ZZEF1: variants seen among roughly 807,000 people sequenced by gnomAD.
ZZEF1 encodes zinc finger ZZ-type and EF-hand domain-containing protein 1.
A neutral mutation model predicts 342.8 loss-of-function variants in ZZEF1; 157 were observed. That is an observed-to-expected ratio of 0.46 (90% confidence interval 0.40 to 0.52). The LOEUF (loss-of-function observed/expected upper bound fraction) is 0.52. ZZEF1 is among the 20% of genes least tolerant of loss of function. ZZEF1 has a pLI of 0.00. For missense variants in ZZEF1, 3,480 were observed against 3,725.6 expected, an observed-to-expected ratio of 0.93 and a Z score of 1.72; for synonymous variants, 1,505 against 1,429.1, an observed-to-expected ratio of 1.05 and a Z score of -1.20.
At chr17:4,113,696 G>C (rs1437937097) in intron 4 of ZZEF1, among the ~76,000 whole-genome samples, 1 of 150,958 alleles carries the variant, frequency 6.6e-6, no homozygotes, top group Admixed American at 6.6e-5. Flanking sequence ...GAAAGGGACC[G>C]GGTGCAGTGG....
intron 39 of ZZEF1, among the ~76,000 whole-genome samples, chr17:4,037,609 A>T (rs2056702184): frequency 6.6e-6 from 1 of 152,180 alleles, no homozygotes; most frequent in Non-Finnish European, 1.5e-5. Context: ...TAAGAGACAG[A>T]GTCTTACCCT....
At chr17:4,080,844 T>C (rs1334196787) in intron 18 of ZZEF1, among the ~76,000 whole-genome samples, 1 of 152,190 alleles carries the variant, frequency 6.6e-6, no homozygotes, top group Non-Finnish European at 1.5e-5. Context: ...ACTTCTGTGT[T>C]TTTATCGTTT....
chr17:4,007,041 C>T (rs1318660791), intron 54 of ZZEF1, 71 bp from the exon 55 acceptor site: 1 of 1,374,290 alleles, frequency 7.3e-7, no homozygotes, highest in African/African-American at 1.4e-5. Context: ...TGATAAGACC[C>T]TCAGCTGAGC....
chr17:4,119,216 C>T (rs2058445419), intron 2 of ZZEF1, among the ~76,000 whole-genome samples: 1 of 152,232 alleles, frequency 6.6e-6, no homozygotes, highest in African/African-American at 2.4e-5. Flanking sequence ...GGAGTCACCA[C>T]TTGGTTAAGC....
At chr17:4,113,060 C>T (rs2058340187) in intron 4 of ZZEF1, among the ~76,000 whole-genome samples, 1 of 152,150 alleles carries the variant, frequency 6.6e-6, no homozygotes, top group African/African-American at 2.4e-5. Flanking sequence ...AAAGAACGAA[C>T]AGTATGAACA....
chr17:4,066,072 C>T (rs542545307), intron 28 of ZZEF1, among the ~76,000 whole-genome samples: 10 of 152,160 alleles, frequency 6.6e-5, no homozygotes, highest in African/African-American at 2.4e-4. Flanking sequence ...TAGGCTAAGG[C>T]GGGAAGATTG....
At chr17:4,044,417 A>C (rs759549643) in intron 37 of ZZEF1, 43 bp from the exon 38 acceptor site, 1 of 1,563,516 alleles carries the variant, frequency 6.4e-7, no homozygotes, top group Admixed American at 1.9e-5. Context: ...TTCTTATAAC[A>C]AAGTTTGCTC....
At chr17:4,024,033 T>A (rs2056338290) in intron 43 of ZZEF1, among the ~76,000 whole-genome samples, 1 of 152,002 alleles carries the variant, frequency 6.6e-6, no homozygotes, top group Non-Finnish European at 1.5e-5. Flanking sequence ...TCAACTGAGC[T>A]CCTCCTTTCA....
At chr17:4,101,301 G>C (rs2058122820) in intron 9 of ZZEF1, among the ~76,000 whole-genome samples, 1 of 152,066 alleles carries the variant, frequency 6.6e-6, no homozygotes, top group African/African-American at 2.4e-5. Flanking sequence ...ACTCATTGCT[G>C]AGAGGAAAGC....
Position 4,050,706 on chromosome 17 carries a change from T to C in ZZEF1, c.5863+75A>G. ...GTTGCCACCTGTAAACTAAGCTTAG[T>C]ATTTTACATTTGCCAAGGCTTTTTT... is the stretch of plus-strand genomic sequence containing the variant. On this transcript the variant is annotated intron_variant, in intron 36 of 54. Coordinates refer to ENST00000381638, the MANE Select transcript of ZZEF1 (RefSeq NM_015113.4). The C allele has an allele frequency of 3.8e-6, 6 of 1,594,050 alleles. No individual in the cohort carries two copies. The South Asian group carries it at 6.7e-5, about 18-fold the overall frequency.
At chr17:4,085,070 C>G (rs2057794492) in intron 16 of ZZEF1, among the ~76,000 whole-genome samples, 1 of 152,090 alleles carries the variant, frequency 6.6e-6, no homozygotes, top group Non-Finnish European at 1.5e-5. Context: ...TGTGATTGCA[C>G]CACTGCACTC....
At chr17:4,069,825 C>T (rs887070673) in intron 26 of ZZEF1, among the ~76,000 whole-genome samples, 3 of 151,744 alleles carry the variant, frequency 2.0e-5, no homozygotes, top group Non-Finnish European at 4.4e-5. Flanking sequence ...AGTGAGACTC[C>T]GTCTCAAAAA....
intron 39 of ZZEF1, among the ~76,000 whole-genome samples, chr17:4,040,873 GGCTAAGA>G (rs1421435162): frequency 6.6e-6 from 1 of 152,136 alleles, no homozygotes; most frequent in Non-Finnish European, 1.5e-5. Context: ...AACATAAAAA[GGCTAAGA>G]GCCAATTGCA....
chr17:4,081,418 G>T lies in ZZEF1; in HGVS notation c.2787C>A (p.Val929=). 6.2e-7 allele frequency: 1 copy of T among 1,613,966 alleles called. No individual in the cohort carries two copies. The highest frequency in any genetic ancestry group is 8.5e-7 in the Non-Finnish European group (1 of 1,180,012). ...AGACGAGAGTGTCCATGACCGCCAGGACTTCACTGATGTTCATCTTGGCCA... is the reference window on the plus strand; with the variant it reads ...AGACGAGAGTGTCCATGACCGCCAGTACTTCACTGATGTTCATCTTGGCCA... The part of the protein sequence containing the change: ...NDLAKMNISE[V]LAVMDTLVSV... The change falls in exon 18 of 55, where the codon GTC becomes GTA. Residue 929 remains valine, a synonymous_variant. Transcript: ENST00000381638.
chr17:4,021,404 C>T, intron 44 of ZZEF1, 84 bp from the exon 45 acceptor site: 1 of 1,131,920 alleles, frequency 8.8e-7, no homozygotes, highest in South Asian at 1.9e-5. Context: ...AAATATTGGG[C>T]CTAACTTTTT....
chr17:4,054,338 A>G (rs2057111322), intron 33 of ZZEF1, 143 bp from the exon 34 acceptor site: 8 of 900,146 alleles, frequency 8.9e-6, no homozygotes, highest in Middle Eastern at 5.1e-4. Flanking sequence ...TAAGCTCCTC[A>G]GTGTCTAGTT....
At chr17:4,098,011 G>C (rs926912076) in intron 9 of ZZEF1, among the ~76,000 whole-genome samples, 1 of 151,712 alleles carries the variant, frequency 6.6e-6, no homozygotes. Flanking sequence ...GCTGAGGCAG[G>C]CAGTTCACTT....
Position 4,070,727 on chromosome 17 carries a change from C to T in ZZEF1, c.4032G>A (p.Leu1344=). The T allele has an allele frequency of 6.2e-7, 1 of 1,613,988 alleles. No homozygotes were observed. The highest frequency in any genetic ancestry group is 8.5e-7 in the Non-Finnish European group (1 of 1,180,020). ...CATATAAATCTGGAGTGCGATACAC[C>T]AGAGCAGCAAAGGTGGCGTTCACAG... ...DQAVNATFAA[L]VYRTPDLYEK... Residue 1344 remains leucine (L), a synonymous_variant, in exon 26 of 55, where the codon CTG becomes CTA. Transcript: ENST00000381638.
chr17:4,052,213 C>A, intron 34 of ZZEF1, 77 bp from the exon 35 acceptor site: 1 of 1,421,156 alleles, frequency 7.0e-7, no homozygotes, highest in Non-Finnish European at 9.4e-7. Flanking sequence ...CCAAACCAAC[C>A]CCAGCACCAG....
Sources: gnomAD v4.1 joint callset for allele counts (sites outside exome capture counted in the v4.1 genomes callset) on GRCh38, gnomAD v4.1.1 for gene constraint, MANE v1.5 for transcripts, NCBI Gene and HGNC (gene_info 2026-07-23, HGNC 2026-07-21) for gene names.